KLHL13: variants seen among roughly 807,000 people sequenced by gnomAD.
The protein encoded by KLHL13 is kelch like family member 13, also known as kelch-like protein 13.
In KLHL13, 10 loss-of-function variants were observed where a neutral mutation model predicts 37.1. The observed-to-expected ratio is 0.27, with a 90% confidence interval of 0.17 to 0.46. The LOEUF is 0.46. Among genes scored for constraint, KLHL13 ranks in the 20% least tolerant of loss-of-function variants. The probability of loss-of-function intolerance (pLI) is 1.00; values close to 1 mark genes in which losing one functional copy is unlikely to be tolerated. For synonymous variants in KLHL13, 163 were observed against 181.2 expected, an observed-to-expected ratio of 0.90 and a Z score of 0.81; for missense variants, 360 against 509.3, an observed-to-expected ratio of 0.71 and a Z score of 2.82.
chrX:118,038,090 G>A (rs984234007), intron 1 of KLHL13, among the ~76,000 whole-genome samples: 2 of 112,235 alleles, frequency 1.8e-5, no homozygotes, highest in African/African-American at 6.5e-5. Context: ...ATGTACCATA[G>A]GACACACCAA....
chrX:118,066,813 T>C (rs997193521), intron 1 of KLHL13, among the ~76,000 whole-genome samples: 6 of 111,656 alleles, frequency 5.4e-5, no homozygotes, highest in Non-Finnish European at 1.1e-4. Context: ...TTTTTTTCCT[T>C]AATGGGCAAA....
intron 1 of KLHL13, among the ~76,000 whole-genome samples, chrX:118,099,252 CAAAT>C (rs1440308718): frequency 9.0e-6 from 1 of 111,342 alleles, no homozygotes. Context: ...CCATCTGAAA[CAAAT>C]ACTTTTGAAG....
intron 1 of KLHL13, among the ~76,000 whole-genome samples, chrX:117,959,509 G>T (rs754062958): frequency 7.1e-5 from 8 of 112,184 alleles, no homozygotes; most frequent in Admixed American, 1.9e-4. Context: ...ATTTTGTAGA[G>T]CTGGTCTTTA....
At chrX:117,915,718 T>C (rs926878043) in intron 4 of KLHL13, among the ~76,000 whole-genome samples, 4 of 112,339 alleles carry the variant, frequency 3.6e-5, no homozygotes, top group Non-Finnish European at 7.5e-5. Flanking sequence ...ACAGATGCCC[T>C]ATTTCAGCAA....
chrX:117,925,164 T>C (rs766736903), intron 2 of KLHL13, among the ~76,000 whole-genome samples: 12 of 111,698 alleles, frequency 1.1e-4, no homozygotes, highest in Non-Finnish European at 1.5e-4. Context: ...TGTATAAAAA[T>C]TACTTGGATG....
At chrX:118,080,723 A>G (rs775410362) in intron 1 of KLHL13, among the ~76,000 whole-genome samples, 27 of 112,266 alleles carry the variant, frequency 2.4e-4, no homozygotes, top group African/African-American at 8.7e-4. Context: ...AGAACTTAAA[A>G]CAGAGTTACC....
chrX:117,961,232 C>T (rs1423830638), intron 1 of KLHL13, among the ~76,000 whole-genome samples: 1 of 111,754 alleles, frequency 8.9e-6, no homozygotes, highest in African/African-American at 3.2e-5. Context: ...AATAAGATTT[C>T]CAGGAAATCA....
At chrX:118,102,275 G>GA (rs774078345) in intron 1 of KLHL13, among the ~76,000 whole-genome samples, 2 of 112,198 alleles carry the variant, frequency 1.8e-5, no homozygotes, top group East Asian at 2.8e-4. Context: ...GAGACTATTA[G>GA]TTATTCCCCA....
chrX:118,092,929 CT>C (rs771316686), intron 1 of KLHL13, among the ~76,000 whole-genome samples: 8 of 111,488 alleles, frequency 7.2e-5, no homozygotes, highest in African/African-American at 1.9e-4. Context: ...TTCAAACAAA[CT>C]TTTTTTTCTT....
intron 1 of KLHL13, among the ~76,000 whole-genome samples, chrX:118,011,574 G>A (rs905513278): frequency 1.8e-5 from 2 of 110,952 alleles, no homozygotes; most frequent in African/African-American, 6.6e-5. Context: ...AAAACAGCAG[G>A]GGGAGTGAAT....
At chrX:117,931,369 A>G (rs1320901490) in intron 2 of KLHL13, among the ~76,000 whole-genome samples, 2 of 111,759 alleles carry the variant, frequency 1.8e-5, no homozygotes, top group Non-Finnish European at 3.8e-5. Flanking sequence ...ATACCTAAGT[A>G]TTCTGTAATT....
intron 1 of KLHL13, among the ~76,000 whole-genome samples, chrX:118,106,549 A>G (rs4825557): frequency 0.17 from 19,190 of 111,064 alleles, 1,512 homozygotes; most frequent in South Asian, 0.32. Flanking sequence ...TATTTCATCA[A>G]TATAGTGAGC....
rs6645983 is a variant in KLHL13, at chrX:117,899,010, C to G, written c.1866G>C (p.Leu622=). The change falls in exon 7 of 7, where the codon CTG becomes CTC. Residue 622 remains leucine, a synonymous_variant. Transcript: ENST00000262820. ...CACGAATGCCACCAAGGGATTCTGG[C>G]AGATCAAAAACCTTATGCCATTCAT... 0.095 allele frequency: 114,604 copies of G among 1,209,011 alleles called. 7,800 individuals are homozygous for G. Among genetic ancestry groups the G allele is most frequent in the African/African-American group, 0.51 (28,845 of 56,809 alleles).
At chrX:118,110,916 C>T (rs754532362) in intron 1 of KLHL13, among the ~76,000 whole-genome samples, 16 of 111,966 alleles carry the variant, frequency 1.4e-4, no homozygotes, top group Admixed American at 5.7e-4. Flanking sequence ...CGAGTCTTGG[C>T]TCATTTCAAT....
At chrX:117,930,144 GAA>G (rs1366911432) in intron 2 of KLHL13, among the ~76,000 whole-genome samples, 1 of 99,287 alleles carries the variant, frequency 1.0e-5, no homozygotes, top group Non-Finnish European at 2.1e-5. Context: ...AAAGAAAAAA[GAA>G]AAGAGGAAAG....
chrX:117,914,656 T>A (rs570554296), intron 4 of KLHL13, among the ~76,000 whole-genome samples: 1 of 111,914 alleles, frequency 8.9e-6, no homozygotes, highest in South Asian at 3.7e-4. Context: ...AAAGGGATAA[T>A]TGAATAATAA....
At chrX:118,075,710 G>A (rs2054922138) in intron 1 of KLHL13, among the ~76,000 whole-genome samples, 1 of 111,543 alleles carries the variant, frequency 9.0e-6, no homozygotes, top group Non-Finnish European at 1.9e-5. Context: ...ATAGGATGAG[G>A]AGTTAAATTC....
intron 1 of KLHL13, among the ~76,000 whole-genome samples, chrX:117,950,524 A>G (rs1325605861): frequency 8.9e-6 from 1 of 112,158 alleles, no homozygotes; most frequent in Non-Finnish European, 1.9e-5. Context: ...AGTATAATAT[A>G]GATATTTCAA....
chrX:118,070,632 C>A (rs928715096), intron 1 of KLHL13, among the ~76,000 whole-genome samples: 6 of 110,183 alleles, frequency 5.4e-5, no homozygotes, highest in African/African-American at 1.0e-4. Context: ...TTATGTATAA[C>A]CATAATAGAT....
Sources: gnomAD v4.1 joint callset for allele counts (sites outside exome capture counted in the v4.1 genomes callset) on GRCh38, gnomAD v4.1.1 for gene constraint, MANE v1.5 for transcripts, NCBI Gene and HGNC (gene_info 2026-07-23, HGNC 2026-07-21) for gene names.